Variants in ARHGAP24 observed in about 807,000 individuals in gnomAD.
ARHGAP24 encodes Rho GTPase activating protein 24.
ARHGAP24 carries 50 observed loss-of-function variants against 76.4 expected under a neutral mutation model. The observed-to-expected ratio is 0.65, with a 90% CI of 0.52 to 0.83. ARHGAP24 has a LOEUF of 0.83. Ranked by LOEUF, ARHGAP24 falls within the 40% of genes least tolerant of loss-of-function variation. ARHGAP24 has a pLI of 0.00. For synonymous variants in ARHGAP24, 345 were observed against 323.3 expected, an observed-to-expected ratio of 1.07 and a Z score of -0.72; for missense variants, 930 against 914.2, an observed-to-expected ratio of 1.02 and a Z score of -0.22.
At chr4:85,616,750 C>T (rs1274877914) in intron 2 of ARHGAP24, among the ~76,000 whole-genome samples, 1 of 152,128 alleles carries the variant, frequency 6.6e-6, no homozygotes, top group Non-Finnish European at 1.5e-5. Flanking sequence ...GCCCCAGCCT[C>T]CCAAGTAGCT....
intron 3 of ARHGAP24, among the ~76,000 whole-genome samples, chr4:85,763,421 C>T (rs529563294): frequency 7.9e-5 from 12 of 151,864 alleles, no homozygotes; most frequent in Non-Finnish European, 1.6e-4. Context: ...TAGATCCACC[C>T]TGGTGCCACT....
intron 3 of ARHGAP24, among the ~76,000 whole-genome samples, chr4:85,751,444 G>A (rs984047357): frequency 6.6e-6 from 1 of 152,138 alleles, no homozygotes; most frequent in Non-Finnish European, 1.5e-5. Context: ...TATTAGGATG[G>A]CCATAAGAAA....
intron 3 of ARHGAP24, among the ~76,000 whole-genome samples, chr4:85,794,366 T>G (rs1728255717): frequency 6.6e-6 from 1 of 152,230 alleles, no homozygotes; most frequent in Non-Finnish European, 1.5e-5. Flanking sequence ...TTTTGTAATA[T>G]TATTAAGCCA....
intron 2 of ARHGAP24, among the ~76,000 whole-genome samples, chr4:85,599,135 T>G (rs2109986747): frequency 6.6e-6 from 1 of 152,266 alleles, no homozygotes; most frequent in East Asian, 1.9e-4. Context: ...TCTAAATGGT[T>G]TGCTCTGCCT....
At chr4:85,586,273 C>CATACACTT (rs533981890) in intron 2 of ARHGAP24, among the ~76,000 whole-genome samples, 405 of 152,248 alleles carry the variant, frequency 2.7e-3, no homozygotes, top group African/African-American at 9.0e-3. Context: ...TTCAAGACCA[C>CATACACTT]ATACACTTAG....
At chr4:85,513,196 A>G (rs142805331) in intron 1 of ARHGAP24, among the ~76,000 whole-genome samples, 1 of 152,372 alleles carries the variant, frequency 6.6e-6, no homozygotes, top group Non-Finnish European at 1.5e-5. Flanking sequence ...CTAATTCCAA[A>G]AGAGAGTTGG....
intron 4 of ARHGAP24, among the ~76,000 whole-genome samples, chr4:85,927,545 C>T (rs1736085543): frequency 6.6e-6 from 1 of 152,096 alleles, no homozygotes. Context: ...CATAATCACC[C>T]TTCATAAGAG....
At chr4:85,646,309 A>G (rs1349398452) in intron 2 of ARHGAP24, among the ~76,000 whole-genome samples, 1 of 152,094 alleles carries the variant, frequency 6.6e-6, no homozygotes, top group African/African-American at 2.4e-5. Flanking sequence ...TTAAAGAAAT[A>G]TGCCATCATC....
intron 3 of ARHGAP24, among the ~76,000 whole-genome samples, chr4:85,882,600 C>A (rs1010882679): frequency 2.6e-5 from 4 of 152,076 alleles, no homozygotes; most frequent in African/African-American, 9.7e-5. Flanking sequence ...CCTCTATATT[C>A]TATTTTGTAT....
chr4:85,744,247 C>T (rs1374285153), intron 3 of ARHGAP24, among the ~76,000 whole-genome samples: 1 of 152,124 alleles, frequency 6.6e-6, no homozygotes, highest in Admixed American at 6.6e-5. Context: ...ACTTGTAATA[C>T]CACAATTCAA....
chr4:85,985,701 C>G (rs184662786), intron 8 of ARHGAP24, among the ~76,000 whole-genome samples: 1 of 152,338 alleles, frequency 6.6e-6, no homozygotes, highest in East Asian at 1.9e-4. Flanking sequence ...AGTGATCAGA[C>G]TGCAGACAGG....
intron 3 of ARHGAP24, among the ~76,000 whole-genome samples, chr4:85,884,003 G>A (rs1351444411): frequency 6.6e-6 from 1 of 152,008 alleles, no homozygotes; most frequent in East Asian, 1.9e-4. Flanking sequence ...ATGTTTTGAG[G>A]GCAAGTGTGT....
At chr4:85,914,816 C>A (rs563835662) in intron 3 of ARHGAP24, among the ~76,000 whole-genome samples, 1 of 152,258 alleles carries the variant, frequency 6.6e-6, no homozygotes, top group Non-Finnish European at 1.5e-5. Context: ...CATTTGCTAC[C>A]TGTTGTGGAT....
At chr4:85,730,603 C>T (rs1015561203) in intron 3 of ARHGAP24, among the ~76,000 whole-genome samples, 4 of 152,014 alleles carry the variant, frequency 2.6e-5, no homozygotes, top group Non-Finnish European at 5.9e-5. Context: ...GAGATGAGGT[C>T]TCACTATGTT....
chr4:85,888,064 T>C (rs1260206157), intron 3 of ARHGAP24, among the ~76,000 whole-genome samples: 1 of 152,050 alleles, frequency 6.6e-6, no homozygotes, highest in Non-Finnish European at 1.5e-5. Flanking sequence ...AAATGAGGCC[T>C]CATTTGAATT....
chr4:85,871,501 C>A (rs1303484487), intron 3 of ARHGAP24, among the ~76,000 whole-genome samples: 1 of 152,120 alleles, frequency 6.6e-6, no homozygotes, highest in Non-Finnish European at 1.5e-5. Flanking sequence ...GGTAAATCAG[C>A]CTTTCCTTAA....
intron 3 of ARHGAP24, among the ~76,000 whole-genome samples, chr4:85,914,979 T>G (rs891261804): frequency 9.2e-5 from 14 of 152,286 alleles, no homozygotes; most frequent in African/African-American, 3.1e-4. Context: ...TAAACCAAAC[T>G]AAATTAGAAG....
intron 3 of ARHGAP24, among the ~76,000 whole-genome samples, chr4:85,857,064 C>T (rs1188676375): frequency 6.6e-6 from 1 of 152,068 alleles, no homozygotes; most frequent in African/African-American, 2.4e-5. Context: ...TAAGCAATTA[C>T]TCAATAATAC....
At chr4:85,713,762 A>G (rs1724621465) in intron 2 of ARHGAP24, among the ~76,000 whole-genome samples, 1 of 152,166 alleles carries the variant, frequency 6.6e-6, no homozygotes, top group Non-Finnish European at 1.5e-5. Context: ...AGGCACTCCA[A>G]GTGGAGGAAC....
Sources: allele counts gnomAD v4.1 joint callset (sites outside exome capture counted in the v4.1 genomes callset), GRCh38; gene constraint gnomAD v4.1.1; transcripts MANE v1.5; gene names NCBI Gene and HGNC (gene_info 2026-07-23, HGNC 2026-07-21).